The following ASIC2 variants were observed in gnomAD, a reference collection of about 807,000 sequenced individuals.
ASIC2 encodes the protein acid sensing ion channel subunit 2.
ASIC2 carries 25 observed loss-of-function variants against 57.3 expected under a neutral mutation model. That is an observed-to-expected ratio of 0.44 (90% CI 0.32 to 0.61). The LOEUF (loss-of-function observed/expected upper bound fraction) is 0.61. ASIC2 is among the 20% of genes least tolerant of loss of function. The pLI, the probability that ASIC2 is intolerant of heterozygous loss-of-function variation, is 0.06. For missense variants in ASIC2, 641 were observed against 738.1 expected (o/e 0.87, Z 1.52); for synonymous variants, 319 against 307.5 (o/e 1.04, Z -0.39).
intron 1 of ASIC2, among the ~76,000 whole-genome samples, chr17:33,748,058 C>T (rs1373130693): frequency 1.3e-5 from 2 of 152,350 alleles, no homozygotes; most frequent in Admixed American, 6.5e-5. Context: ...GAAGGTTAAG[C>T]GACTTGCTAG....
At chr17:33,258,208 C>T (rs1029444449) in intron 1 of ASIC2, among the ~76,000 whole-genome samples, 9 of 152,176 alleles carry the variant, frequency 5.9e-5, no homozygotes, top group African/African-American at 1.7e-4. Flanking sequence ...ATTAATTCAA[C>T]GGATCTTTAG....
chr17:34,037,570 C>G lies in ASIC2; in HGVS notation c.555+118408G>C, dbSNP rs1907937570. ...TATGTTCCAAACCCGCTGCTGAACG[C>G]CATTTGTCCACTTTGTGTGTGTTGA... is the stretch of plus-strand genomic sequence containing the variant. On this transcript the variant is annotated intron_variant, in intron 1 of 9. Transcript: ENST00000359872. 4.2e-6 allele frequency: 6 copies of G among 1,435,098 alleles called. No individual in the cohort carries two copies. In the East Asian group the frequency reaches 1.4e-4, roughly 33 times the overall value. 88.9% of individuals were successfully genotyped at this position (1,435,098 alleles called of 1,614,324 possible).
intron 1 of ASIC2, among the ~76,000 whole-genome samples, chr17:33,923,918 A>G (rs1373722985): frequency 1.3e-5 from 2 of 152,164 alleles, no homozygotes; most frequent in Non-Finnish European, 2.9e-5. Context: ...CCCAGCAACT[A>G]CATGGCAGAA....
intron 1 of ASIC2, among the ~76,000 whole-genome samples, chr17:33,664,669 C>T (rs1907412200): frequency 6.6e-6 from 1 of 152,192 alleles, no homozygotes; most frequent in Non-Finnish European, 1.5e-5. Context: ...AAGAAATGGA[C>T]AGTTGATAGA....
intron 1 of ASIC2, among the ~76,000 whole-genome samples, chr17:33,605,750 C>T (rs926507414): frequency 2.6e-5 from 4 of 152,340 alleles, no homozygotes; most frequent in East Asian, 1.9e-4. Flanking sequence ...TTCTAGATCC[C>T]GCTGCAAACC....
chr17:33,524,589 G>GT (rs1204223906), intron 1 of ASIC2, among the ~76,000 whole-genome samples: 5 of 152,152 alleles, frequency 3.3e-5, no homozygotes, highest in African/African-American at 1.2e-4. Context: ...CTTGTTAGGT[G>GT]TATATGCATA....
intron 1 of ASIC2, among the ~76,000 whole-genome samples, chr17:33,434,000 A>G (rs1362847166): frequency 6.6e-6 from 1 of 152,058 alleles, no homozygotes; most frequent in Admixed American, 6.6e-5. Context: ...AATTTTTAAA[A>G]ATCAAAAAGA....
At chr17:34,123,105 T>A (rs1311596990) in intron 1 of ASIC2, among the ~76,000 whole-genome samples, 1 of 152,152 alleles carries the variant, frequency 6.6e-6, no homozygotes, top group Non-Finnish European at 1.5e-5. Flanking sequence ...AAGACAAGTC[T>A]TGCCCAGCCT....
At chr17:33,203,707 C>G (rs8066873) in intron 1 of ASIC2, among the ~76,000 whole-genome samples, 3,680 of 152,212 alleles carry the variant, frequency 0.024, 143 homozygotes, top group African/African-American at 0.084. Context: ...GGGACCTGCC[C>G]TGCACATAGT....
At chr17:33,464,024 T>C (rs1055263196) in intron 1 of ASIC2, among the ~76,000 whole-genome samples, 10 of 152,192 alleles carry the variant, frequency 6.6e-5, no homozygotes, top group Admixed American at 5.2e-4. Flanking sequence ...ACAATCCAGT[T>C]TTGAAATTCT....
chr17:33,263,303 C>T (rs1909349585), intron 1 of ASIC2, among the ~76,000 whole-genome samples: 1 of 152,200 alleles, frequency 6.6e-6, no homozygotes. Context: ...CCACTATCTG[C>T]TCACTCTCAC....
At chr17:33,518,486 C>G (rs1480103196) in intron 1 of ASIC2, among the ~76,000 whole-genome samples, 3 of 152,196 alleles carry the variant, frequency 2.0e-5, no homozygotes, top group Non-Finnish European at 2.9e-5. Flanking sequence ...CACTAAGCTC[C>G]ATCAGATCTG....
chr17:33,564,563 G>T (rs557447320), intron 1 of ASIC2, among the ~76,000 whole-genome samples: 21 of 152,328 alleles, frequency 1.4e-4, no homozygotes, highest in African/African-American at 5.1e-4. Context: ...ATATCCAAAG[G>T]TTGCAGAGGC....
intron 1 of ASIC2, among the ~76,000 whole-genome samples, chr17:33,895,793 C>T (rs1326450586): frequency 6.6e-6 from 1 of 152,190 alleles, no homozygotes; most frequent in Non-Finnish European, 1.5e-5. Context: ...TTGAGATTCT[C>T]TTTAAATCAT....
At chr17:33,386,024 C>T (rs557455452) in intron 1 of ASIC2, among the ~76,000 whole-genome samples, 108 of 152,332 alleles carry the variant, frequency 7.1e-4, no homozygotes, top group African/African-American at 2.5e-3. Context: ...TTACTATACA[C>T]ATAACGTGAT....
At chr17:33,090,968 C>T (rs748744396) in intron 2 of ASIC2, among the ~76,000 whole-genome samples, 1 of 152,186 alleles carries the variant, frequency 6.6e-6, no homozygotes. Flanking sequence ...CACTTCCCTC[C>T]AGTACAGTCA....
intron 1 of ASIC2, among the ~76,000 whole-genome samples, chr17:33,332,489 A>T (rs320631): frequency 6.6e-6 from 1 of 152,022 alleles, no homozygotes; most frequent in South Asian, 2.1e-4. Context: ...GTCTTATTTC[A>T]GACCAGTCAC....
At chr17:33,740,864 C>T (rs1254461253) in intron 1 of ASIC2, among the ~76,000 whole-genome samples, 1 of 152,198 alleles carries the variant, frequency 6.6e-6, no homozygotes, top group Non-Finnish European at 1.5e-5. Context: ...GAATCTAGGA[C>T]TCTGCTAGAG....
At chr17:33,945,634 A>G (rs965835186) in intron 1 of ASIC2, among the ~76,000 whole-genome samples, 6 of 152,130 alleles carry the variant, frequency 3.9e-5, no homozygotes, top group African/African-American at 1.4e-4. Flanking sequence ...TAGGCTGCAT[A>G]TGGCTTCTGT....
Sources: gnomAD v4.1 joint callset for allele counts (sites outside exome capture counted in the v4.1 genomes callset) on GRCh38, gnomAD v4.1.1 for gene constraint, MANE v1.5 for transcripts, NCBI Gene and HGNC (gene_info 2026-07-23, HGNC 2026-07-21) for gene names.